M1AP: variants seen among roughly 807,000 people sequenced by gnomAD.
The protein encoded by M1AP is meiosis 1 arrest protein.
A neutral mutation model predicts 51.2 loss-of-function variants in M1AP; 39 were observed. The observed-to-expected ratio is 0.76, with a 90% CI of 0.59 to 1.00. The LOEUF is 1.00. Among genes scored for constraint, M1AP ranks in the 50% least tolerant of loss-of-function variants. M1AP has a pLI of 0.00. For missense variants in M1AP, 545 were observed against 641.2 expected, an observed-to-expected ratio of 0.85 and a Z score of 1.62; for synonymous variants, 251 against 249.2, an observed-to-expected ratio of 1.01 and a Z score of -0.07.
chr2:74,615,223 T>A (rs1360502002), intron 2 of M1AP, 74 bp from the exon 3 acceptor site: 3 of 1,278,944 alleles, frequency 2.3e-6, no homozygotes, highest in Non-Finnish European at 3.4e-6. Context: ...TCTAAATTTA[T>A]TATAAATAAT....
At chr2:74,576,280 C>T (rs1385563768) in intron 6 of M1AP, among the ~76,000 whole-genome samples, 176 bp downstream of exon 6, 1 of 152,190 alleles carries the variant, frequency 6.6e-6, no homozygotes, top group African/African-American at 2.4e-5. Flanking sequence ...CACATTTGGC[C>T]TCCACATGCT....
At chr2:74,646,100 G>C (rs930917971) in intron 1 of M1AP, among the ~76,000 whole-genome samples, 6 of 152,168 alleles carry the variant, frequency 3.9e-5, no homozygotes, top group African/African-American at 1.4e-4. Flanking sequence ...AGTGCATCAT[G>C]ATCAGTAATT....
At chr2:74,576,697 G>T in intron 5 of M1AP, 79 bp from the exon 6 acceptor site, 2 of 1,488,524 alleles carry the variant, frequency 1.3e-6, no homozygotes, top group South Asian at 1.2e-5. Flanking sequence ...CTTAGGCTAT[G>T]CCATTAAGAG....
intron 4 of M1AP, among the ~76,000 whole-genome samples, chr2:74,586,104 C>T (rs957116555): frequency 6.6e-6 from 1 of 152,166 alleles, no homozygotes; most frequent in African/African-American, 2.4e-5. Flanking sequence ...CCTTGAAGAC[C>T]GAGTTCAAAT....
chr2:74,628,424 C>A lies in M1AP; in HGVS notation c.240+11612G>T, dbSNP rs116636600. 2.1e-3 allele frequency: 813 copies of A among 387,910 alleles called. 9 individuals are homozygous for A. The highest frequency in any genetic ancestry group is 0.016 in the African/African-American group (771 of 47,738). The allele number at this position is 387,910 out of a possible 1,614,324, so 24.0% of individuals were successfully genotyped here. On this transcript the variant is annotated intron_variant, in intron 2 of 10. Transcript: ENST00000421985. Reference sequence around the variant, plus strand: ...AATTATTTCTGCTGCTTACCTTACACCTGATGTAACCATATAGGTTGGCAT... The same window carrying A: ...AATTATTTCTGCTGCTTACCTTACAACTGATGTAACCATATAGGTTGGCAT...
intron 4 of M1AP, among the ~76,000 whole-genome samples, chr2:74,594,541 TA>T (rs767658403): frequency 6.6e-6 from 1 of 151,814 alleles, no homozygotes; most frequent in African/African-American, 2.4e-5. Context: ...AAAAAATATT[TA>T]AAAAAAATGG....
chr2:74,626,814 A>G (rs1682425723), intron 2 of M1AP, among the ~76,000 whole-genome samples: 1 of 152,226 alleles, frequency 6.6e-6, no homozygotes, highest in Non-Finnish European at 1.5e-5. Context: ...TTTATTACAC[A>G]ATAAGTTCCC....
At chr2:74,584,926 T>G (rs1679620548) in intron 4 of M1AP, among the ~76,000 whole-genome samples, 1 of 151,928 alleles carries the variant, frequency 6.6e-6, no homozygotes, top group Non-Finnish European at 1.5e-5. Flanking sequence ...CTCTGCAACC[T>G]TCACCTCCTG....
chr2:74,574,780 T>A (rs1163290453), intron 7 of M1AP, among the ~76,000 whole-genome samples: 1 of 152,192 alleles, frequency 6.6e-6, no homozygotes, highest in Non-Finnish European at 1.5e-5. Context: ...CTGTTCTTGA[T>A]TTTTCTCTCA....
chr2:74,614,886 T>C (rs1266713264), intron 3 of M1AP, 78 bp downstream of exon 3: 7 of 1,306,828 alleles, frequency 5.4e-6, no homozygotes, highest in Admixed American at 1.8e-5. Context: ...GATAGAACAA[T>C]GTAAAGATGA....
chr2:74,634,247 T>G (rs923928975), intron 2 of M1AP, among the ~76,000 whole-genome samples: 1 of 152,112 alleles, frequency 6.6e-6, no homozygotes, highest in Non-Finnish European at 1.5e-5. Context: ...ACAAATACCT[T>G]GTATATTTGT....
At chr2:74,559,428 G>A (rs1018511218) in intron 10 of M1AP, among the ~76,000 whole-genome samples, 7 of 152,050 alleles carry the variant, frequency 4.6e-5, no homozygotes, top group African/African-American at 1.7e-4. Context: ...CCAAAGTGCC[G>A]GAATTATAGG....
intron 2 of M1AP, among the ~76,000 whole-genome samples, chr2:74,636,738 T>A (rs1197914907): frequency 6.6e-6 from 1 of 152,068 alleles, no homozygotes. Context: ...TCCCTTTATA[T>A]CACTTTCCCC....
chr2:74,594,530 GA>G (rs1680217799), intron 4 of M1AP, among the ~76,000 whole-genome samples: 1 of 152,084 alleles, frequency 6.6e-6, no homozygotes, highest in Admixed American at 6.6e-5. Flanking sequence ...GAATGAGGCC[GA>G]AAAAATATTT....
intron 2 of M1AP, 42 bp from the exon 3 acceptor site, chr2:74,615,191 C>G: frequency 6.4e-7 from 1 of 1,559,848 alleles, no homozygotes; most frequent in Non-Finnish European, 8.8e-7. Context: ...CTTTAGGGAC[C>G]AGGTTTCAGA....
chr2:74,605,169 T>C (rs1271405021), intron 4 of M1AP, among the ~76,000 whole-genome samples: 1 of 152,130 alleles, frequency 6.6e-6, no homozygotes, highest in Non-Finnish European at 1.5e-5. Context: ...TTTTGGAGAG[T>C]TTTTTGGCAA....
intron 4 of M1AP, among the ~76,000 whole-genome samples, chr2:74,588,376 G>C (rs1346969751): frequency 1.3e-5 from 2 of 152,212 alleles, no homozygotes; most frequent in African/African-American, 4.8e-5. Context: ...ATCTTAGCCT[G>C]CCTGGGTTGG....
At chr2:74,582,442 C>T (rs999246726) in intron 4 of M1AP, among the ~76,000 whole-genome samples, 2 of 152,296 alleles carry the variant, frequency 1.3e-5, no homozygotes, top group Middle Eastern at 3.4e-3. Flanking sequence ...TGGAGTATTA[C>T]GTGTTTGTTA....
At chr2:74,607,267 TAC>T in intron 3 of M1AP, 44 bp from the exon 4 acceptor site, 1 of 1,588,494 alleles carries the variant, frequency 6.3e-7, no homozygotes. Flanking sequence ...CTCCCTGATG[TAC>T]AGAGTGAGGA....
Sources: gnomAD v4.1 joint callset for allele counts (sites outside exome capture counted in the v4.1 genomes callset) on GRCh38, gnomAD v4.1.1 for gene constraint, MANE v1.5 for transcripts, NCBI Gene and HGNC (gene_info 2026-07-23, HGNC 2026-07-21) for gene names.